RTN4IP1: variants seen among roughly 807,000 people sequenced by gnomAD.
RTN4IP1 encodes reticulon 4 interacting protein 1, also known as NAD(P)H oxidoreductase RTN4IP1, mitochondrial.
In RTN4IP1, 32 loss-of-function variants were observed where a neutral mutation model predicts 46.6. That is an observed-to-expected ratio of 0.69 (90% CI 0.52 to 0.92). The LOEUF (loss-of-function observed/expected upper bound fraction) is 0.92, where lower values mean the gene tolerates loss of function less well. Ranked by LOEUF, RTN4IP1 falls within the 40% of genes least tolerant of loss-of-function variation. RTN4IP1 has a pLI of 0.00. For missense variants in RTN4IP1, 424 were observed against 485.8 expected (o/e 0.87, Z 1.20); for synonymous variants, 167 against 161.8 (o/e 1.03, Z -0.24).
chr6:106,619,062 T>C (rs1221635255), intron 4 of RTN4IP1, 140 bp downstream of exon 4: 1 of 946,298 alleles, frequency 1.1e-6, no homozygotes, highest in Admixed American at 2.7e-5. Flanking sequence ...ATAGAATGCT[T>C]TGGAAATTGT....
intron 3 of RTN4IP1, among the ~76,000 whole-genome samples, 173 bp downstream of exon 3, chr6:106,621,252 C>A (rs1336201872): frequency 6.6e-6 from 1 of 152,224 alleles, no homozygotes; most frequent in Non-Finnish European, 1.5e-5. Context: ...GGCAGTGTTA[C>A]TGAATGGCAT....
At position 106,628,956 on chromosome 6, in the gene RTN4IP1, G is replaced by A; in HGVS notation, c.66C>T (p.Ser22=). 6.2e-7 allele frequency: 1 copy of A among 1,614,098 alleles called. No individual in the cohort carries two copies. The highest frequency in any genetic ancestry group is 8.5e-7 in the Non-Finnish European group (1 of 1,180,010). The change falls in exon 1 of 9, where the codon AGC becomes AGT. Residue 22 remains serine, a synonymous_variant. Coordinates refer to ENST00000369063, the MANE Select transcript of RTN4IP1 (RefSeq NM_032730.5). ...NACTAVCFWR[S]KVVQKPSVRR... Reference sequence around the variant, plus strand: ...TAACTGAAGGCTTTTGGACAACTTTGCTTCTCCAGAAGCAAACCGCAGTGC... The same window carrying A: ...TAACTGAAGGCTTTTGGACAACTTTACTTCTCCAGAAGCAAACCGCAGTGC...
At chr6:106,584,977 T>C (rs956867646) in intron 7 of RTN4IP1, among the ~76,000 whole-genome samples, 26 of 152,172 alleles carry the variant, frequency 1.7e-4, no homozygotes, top group African/African-American at 6.3e-4. Flanking sequence ...TGTGATGAGA[T>C]ATTGACTCCC....
chr6:106,592,670 T>A (rs1775692090), intron 5 of RTN4IP1, among the ~76,000 whole-genome samples: 1 of 152,176 alleles, frequency 6.6e-6, no homozygotes, highest in Non-Finnish European at 1.5e-5. Flanking sequence ...ACGCCTGTAA[T>A]CCCAGCACTT....
intron 3 of RTN4IP1, among the ~76,000 whole-genome samples, chr6:106,621,184 G>A (rs1297272253): frequency 1.0e-5 from 1 of 100,146 alleles, no homozygotes; most frequent in Non-Finnish European, 2.5e-5. Flanking sequence ...CAACACAGCA[G>A]GGTTCTAGGT....
intron 3 of RTN4IP1, among the ~76,000 whole-genome samples, chr6:106,619,595 T>TA (rs1451415926): frequency 1.3e-5 from 2 of 149,900 alleles, no homozygotes; most frequent in East Asian, 3.9e-4. Context: ...ATAGTAAGTA[T>TA]ACTTTTCTTC....
intron 1 of RTN4IP1, among the ~76,000 whole-genome samples, chr6:106,628,538 A>C (rs949787380): frequency 6.6e-6 from 1 of 152,182 alleles, no homozygotes; most frequent in African/African-American, 2.4e-5. Flanking sequence ...GCATGAAAAC[A>C]ATCAAGCTTA....
intron 1 of RTN4IP1, among the ~76,000 whole-genome samples, chr6:106,628,015 C>CTGAGATCAGGCCA: frequency 6.9e-6 from 1 of 145,114 alleles, no homozygotes; most frequent in Non-Finnish European, 1.5e-5. Context: ...TTGCAGTGAG[C>CTGAGATCAGGCCA]CAGGAAAGCG....
chr6:106,620,356 G>T (rs527998994), intron 3 of RTN4IP1, among the ~76,000 whole-genome samples: 1 of 152,198 alleles, frequency 6.6e-6, no homozygotes, highest in South Asian at 2.1e-4. Context: ...ACGCACCTCG[G>T]CCTCCCAAAA....
At chr6:106,622,768 A>T in intron 2 of RTN4IP1, 50 bp downstream of exon 2, 2 of 1,565,890 alleles carry the variant, frequency 1.3e-6, no homozygotes, top group Non-Finnish European at 8.7e-7. Flanking sequence ...TCGCTGGATC[A>T]GGGTCTGTGG....
intron 2 of RTN4IP1, among the ~76,000 whole-genome samples, chr6:106,622,288 T>C (rs922644560): frequency 6.6e-6 from 1 of 152,180 alleles, no homozygotes; most frequent in Non-Finnish European, 1.5e-5. Context: ...AAGGAATATG[T>C]GGGAGTTCAG....
rs549512805 is a variant in RTN4IP1 at position 106,607,470 on chromosome 6, A to G, written c.621-4548T>C. On this transcript the variant is annotated intron_variant, in intron 4 of 8. Coordinates refer to ENST00000369063, the MANE Select transcript of RTN4IP1 (RefSeq NM_032730.5). ...ATGGGAGAAAGTATATTCAAACTCT[A>G]CAACCAACAAGGGACTACTACCCAG... 6.6e-5 allele frequency among the ~76,000 whole-genome samples: 10 copies of G among 152,254 alleles called. No individual in the cohort carries two copies. In the South Asian group the frequency reaches 1.9e-3, roughly 28 times the overall value.
chr6:106,586,952 A>G (rs1039194071), intron 7 of RTN4IP1, among the ~76,000 whole-genome samples: 1 of 152,190 alleles, frequency 6.6e-6, no homozygotes, highest in Non-Finnish European at 1.5e-5. Context: ...AGCCCTGGTA[A>G]AAGTGGCCCT....
chr6:106,615,126 C>T (rs1391705687), intron 4 of RTN4IP1, among the ~76,000 whole-genome samples: 13 of 152,018 alleles, frequency 8.6e-5, no homozygotes, highest in Admixed American at 1.3e-4. Context: ...CCCCTTACCC[C>T]CCTAACAATA....
chr6:106,589,412 C>G (rs1305828138), intron 6 of RTN4IP1, among the ~76,000 whole-genome samples: 1 of 151,134 alleles, frequency 6.6e-6, no homozygotes, highest in Non-Finnish European at 1.5e-5. Flanking sequence ...AATAGATGAC[C>G]ATTCTTTTCA....
chr6:106,629,135 G>T lies in RTN4IP1; in HGVS notation c.-114C>A. The T allele has an allele frequency of 9.8e-7, 1 of 1,015,708 alleles. No homozygotes were observed. The highest frequency in any genetic ancestry group is 1.4e-6 in the Non-Finnish European group (1 of 696,480). The allele number at this position is 1,015,708 out of a possible 1,614,324, so 62.9% of individuals were successfully genotyped here. A position where few individuals can be genotyped will look rare whatever the true frequency, so the allele number is the denominator to read the frequency against. On this transcript the variant is annotated 5_prime_UTR_variant, in exon 1 of 9. It introduces an in-frame stop codon into an upstream open reading frame of the 5' UTR. Coordinates refer to ENST00000369063, the MANE Select transcript of RTN4IP1 (RefSeq NM_032730.5). Reference sequence around the variant, plus strand: ...AACCACGGGCTAGTTTCAAAATTAAGCATGCAAAACGGAGCATTCGAAAAT... The same window carrying T: ...AACCACGGGCTAGTTTCAAAATTAATCATGCAAAACGGAGCATTCGAAAAT...
intron 6 of RTN4IP1, 119 bp downstream of exon 6, chr6:106,592,045 G>A (rs1775674458): frequency 9.3e-7 from 1 of 1,069,682 alleles, no homozygotes; most frequent in Non-Finnish European, 1.4e-6. Flanking sequence ...GACATGGAAT[G>A]TTTTCATAGA....
intron 7 of RTN4IP1, among the ~76,000 whole-genome samples, chr6:106,585,542 A>C (rs12523769): frequency 0.033 from 5,024 of 152,292 alleles, 269 homozygotes; most frequent in East Asian, 0.2. Flanking sequence ...GTAACTCTTC[A>C]CAGCATGTGG....
At chr6:106,608,441 T>C (rs1468380823) in intron 4 of RTN4IP1, among the ~76,000 whole-genome samples, 2 of 152,200 alleles carry the variant, frequency 1.3e-5, no homozygotes, top group Non-Finnish European at 2.9e-5. Flanking sequence ...TGAATATAGT[T>C]AATAATAATT....
Sources: allele counts gnomAD v4.1 joint callset (sites outside exome capture counted in the v4.1 genomes callset), GRCh38; gene constraint gnomAD v4.1.1; transcripts MANE v1.5; gene names NCBI Gene and HGNC (gene_info 2026-07-23, HGNC 2026-07-21).